DCBLD2: variants seen among roughly 807,000 people sequenced by gnomAD.
DCBLD2 encodes the protein discoidin, CUB and LCCL domain containing 2.
A neutral mutation model predicts 86.8 loss-of-function variants in DCBLD2; 54 were observed. The observed-to-expected ratio is 0.62, with a 90% CI of 0.50 to 0.78. The LOEUF (loss-of-function observed/expected upper bound fraction) is 0.78. Among genes scored for constraint, DCBLD2 ranks in the 30% least tolerant of loss-of-function variants. DCBLD2 has a pLI of 0.00. For missense variants in DCBLD2, 908 were observed against 954.2 expected (o/e 0.95, Z 0.64); for synonymous variants, 354 against 341.3 (o/e 1.04, Z -0.41).
chr3:98,879,379 C>A (rs1379044075), intron 2 of DCBLD2, among the ~76,000 whole-genome samples: 1 of 152,052 alleles, frequency 6.6e-6, no homozygotes, highest in Non-Finnish European at 1.5e-5. Context: ...CTTCAAATTT[C>A]TCTGATAATC....
At chr3:98,881,841 G>T (rs2107522867) in intron 1 of DCBLD2, 74 bp from the exon 2 acceptor site, 1 of 1,440,402 alleles carries the variant, frequency 6.9e-7, no homozygotes, top group South Asian at 1.3e-5. Flanking sequence ...TTTTTGTGAA[G>T]ATTTAAAAAT....
At chr3:98,876,412 T>TAAA (rs60681986) in intron 2 of DCBLD2, among the ~76,000 whole-genome samples, 3 of 47,532 alleles carry the variant, frequency 6.3e-5, no homozygotes, top group African/African-American at 2.1e-4. Context: ...AGATAAAAAG[T>TAAA]AAAAAAAAAA....
chr3:98,896,671 T>C (rs1360826628), intron 1 of DCBLD2, among the ~76,000 whole-genome samples: 2 of 152,188 alleles, frequency 1.3e-5, no homozygotes, highest in African/African-American at 2.4e-5. Context: ...GTTTTTAGTT[T>C]TGAGTAATAA....
chr3:98,820,981 G>GAAAAAAAAAAA (rs372054460), intron 6 of DCBLD2: 1 of 90,766 alleles, frequency 1.1e-5, no homozygotes. Flanking sequence ...AAATAATCTA[G>GAAAAAAAAAAA]AAAAAAAAAA....
chr3:98,839,045 GGA>G (rs1010394545), intron 3 of DCBLD2, among the ~76,000 whole-genome samples: 58 of 151,992 alleles, frequency 3.8e-4, no homozygotes, highest in Non-Finnish European at 6.6e-4. Context: ...AGAGGGAGAG[GGA>G]GAGGGAGCCT....
At chr3:98,828,557 G>A (rs964802013) in intron 3 of DCBLD2, among the ~76,000 whole-genome samples, 3 of 152,112 alleles carry the variant, frequency 2.0e-5, no homozygotes, top group Non-Finnish European at 2.9e-5. Context: ...GACATAACAA[G>A]CACTGGCAAA....
At chr3:98,815,127 A>G (rs1941999366) in intron 9 of DCBLD2, 1 of 152,116 alleles carries the variant, frequency 6.6e-6, no homozygotes, top group South Asian at 2.1e-4. Flanking sequence ...AGAGAGAGAG[A>G]GACACTTCTA....
At chr3:98,889,682 TATC>T (rs1434472231) in intron 1 of DCBLD2, among the ~76,000 whole-genome samples, 4 of 152,068 alleles carry the variant, frequency 2.6e-5, no homozygotes, top group African/African-American at 9.7e-5. Context: ...CTAATGCAGC[TATC>T]ATATCCTAAC....
At chr3:98,816,440 CA>C (rs1392890302) in intron 9 of DCBLD2, among the ~76,000 whole-genome samples, 1 of 152,022 alleles carries the variant, frequency 6.6e-6, no homozygotes, top group Non-Finnish European at 1.5e-5. Context: ...AAATGTGATA[CA>C]AATGAATATG....
Position 98,811,521 on chromosome 3 carries a change from G to A in DCBLD2, c.1397C>T (p.Pro466Leu), listed in dbSNP as rs1460343759. The A allele has an allele frequency of 1.9e-6, 3 of 1,595,160 alleles. No homozygotes were observed. The highest frequency in any genetic ancestry group is 2.6e-6 in the Non-Finnish European group (3 of 1,172,478). The change falls in exon 11 of 16, where the codon CCT becomes CTT. Residue 466 changes from proline (P) to leucine (L), a missense_variant. Pro to Leu is a moderately conservative substitution (Grantham distance 98). Transcript: ENST00000326840. The part of the protein sequence containing the change: ...RPPKLTQPPP[P>L]RNSNDLKNTT... ...GTTTTTGAGGTCATTGCTGTTCCGA[G>A]GAGGTGGAGGTTGAGTAAGTTTTGG...
intron 2 of DCBLD2, among the ~76,000 whole-genome samples, chr3:98,869,506 C>T (rs1943219982): frequency 6.6e-6 from 1 of 152,108 alleles, no homozygotes; most frequent in African/African-American, 2.4e-5. Context: ...AATTCTCTGC[C>T]TACGCCAATA....
At chr3:98,878,449 C>T (rs1252974377) in intron 2 of DCBLD2, among the ~76,000 whole-genome samples, 3 of 152,018 alleles carry the variant, frequency 2.0e-5, no homozygotes, top group African/African-American at 7.3e-5. Flanking sequence ...ACTCTCTTCT[C>T]CTTTAATGCT....
chr3:98,901,055 C>G lies in DCBLD2; in HGVS notation c.205+67G>C. On this transcript the variant is annotated intron_variant, in intron 1 of 15. Transcript: ENST00000326840. ...TCCCTGCAGCGTCTGCAGATTTGTT[C>G]AGGGGCCAAGAGACCCGCAGCCCCG... is the stretch of plus-strand genomic sequence containing the variant. The G allele has an allele frequency of 3.3e-6, 5 of 1,534,144 alleles. No homozygotes were observed. The South Asian group carries it at 4.8e-5, about 15-fold the overall frequency.
At chr3:98,847,206 C>T (rs1434677892) in intron 3 of DCBLD2, among the ~76,000 whole-genome samples, 1 of 130,284 alleles carries the variant, frequency 7.7e-6, no homozygotes, top group African/African-American at 2.8e-5. Context: ...TGTCATGAGC[C>T]TACAAACAGT....
At position 98,812,394 on chromosome 3, in the gene DCBLD2, G is replaced by T. The variant is rs1941953966; in HGVS notation, c.1301C>A (p.Thr434Asn). The T allele has an allele frequency of 1.2e-6, 2 of 1,613,454 alleles. No individual in the cohort carries two copies. The highest frequency in any genetic ancestry group is 1.7e-6 in the Non-Finnish European group (2 of 1,179,644). ...CATGGCAATTTTCTGCTGCCATTGG[G>T]TAGGATTCACTCTAATAAAACGTGC... ...IIARFIRVNPTQWQQKIAMKM... is the reference protein window; with the variant it reads ...IIARFIRVNPNQWQQKIAMKM... Residue 434 changes from threonine (T) to asparagine (N), a missense_variant, in exon 10 of 16, where the codon ACC becomes AAC. Thr to Asn is a moderately conservative substitution (Grantham distance 65). This residue lies in a region of DCBLD2 where 606 missense variants were observed against 678.5 expected (regional missense o/e 0.89). Coordinates refer to ENST00000326840, the MANE Select transcript of DCBLD2 (RefSeq NM_080927.4).
intron 2 of DCBLD2, among the ~76,000 whole-genome samples, chr3:98,863,239 C>G (rs1268140569): frequency 2.6e-5 from 4 of 152,202 alleles, no homozygotes; most frequent in African/African-American, 2.4e-5. Context: ...GAAGAACATT[C>G]CAGGCTCATG....
At chr3:98,849,408 TTTG>T in intron 3 of DCBLD2, 50 bp downstream of exon 3, 6 of 1,610,270 alleles carry the variant, frequency 3.7e-6, no homozygotes, top group South Asian at 1.1e-5. Context: ...GCATTTTATT[TTTG>T]TTGTTAGAAA....
At position 98,808,113 on chromosome 3, in the gene DCBLD2, G is replaced by C. The variant is rs753064561; in HGVS notation, c.1638C>G (p.Leu546=). The part of the protein sequence containing the change: ...VLVMVLTTLI[L]ILVCAWHWRN... The stretch of plus-strand genomic sequence containing the variant: ...TCCAGTGCCAAGCACACACTAATAT[G>C]AGAATGAGAGTAGTGAGGACCATGA... Residue 546 remains leucine, a synonymous_variant, in exon 13 of 16, where the codon CTC becomes CTG. Transcript: ENST00000326840. The C allele has an allele frequency of 6.2e-7, 1 of 1,606,424 alleles. No individual in the cohort carries two copies. Among genetic ancestry groups the C allele is most frequent in the Non-Finnish European group, 8.5e-7 (1 of 1,176,684 alleles).
rs1238311295 is a variant in DCBLD2 at position 98,885,600 on chromosome 3, C to T, written c.206-3833G>A. On this transcript the variant is annotated intron_variant, in intron 1 of 15. Transcript: ENST00000326840. ...GAATTTGCAAATCAAGGAAAGACCT[C>T]GTTCTCATTTTCACCCCTAAATTAG... 2.6e-5 allele frequency among the ~76,000 whole-genome samples: 4 copies of T among 151,924 alleles called. No individual in the cohort carries two copies. The East Asian group carries it at 5.8e-4, about 22-fold the overall frequency.
Sources: gnomAD v4.1 joint callset for allele counts (sites outside exome capture counted in the v4.1 genomes callset) on GRCh38, gnomAD v4.1.1 for gene constraint, gnomAD v4.1.1 regional missense constraint, MANE v1.5 for transcripts, NCBI Gene and HGNC (gene_info 2026-07-23, HGNC 2026-07-21) for gene names.